The following HDAC1 variants were observed in gnomAD, a reference collection of about 807,000 sequenced individuals.
HDAC1 encodes histone deacetylase 1.
A neutral mutation model predicts 65.5 loss-of-function variants in HDAC1; 18 were observed. The ratio of observed to expected loss-of-function variants is 0.27; its 90% CI spans 0.19 to 0.41. The LOEUF is 0.41. Ranked by LOEUF, HDAC1 falls within the 10% of genes least tolerant of loss-of-function variation. HDAC1 has a pLI of 1.00. For missense variants in HDAC1, 373 were observed against 625.2 expected (o/e 0.60, Z 4.30); for synonymous variants, 211 against 227.9 (o/e 0.93, Z 0.67).
At position 32,326,932 on chromosome 1, in the gene HDAC1, T is replaced by C; in HGVS notation, c.356-7T>C. 2 of 1,613,868 alleles carry C rather than the reference T, an allele frequency of 1.2e-6. No individual in the cohort carries two copies. The highest frequency in any genetic ancestry group is 8.5e-7 in the Non-Finnish European group (1 of 1,179,966). On this transcript the variant is annotated splice_region_variant and splice_polypyrimidine_tract_variant and intron_variant, in intron 4 of 13. Coordinates refer to ENST00000373548, the MANE Select transcript of HDAC1 (RefSeq NM_004964.3). ...AACAGGCTTATGTTCTCTTTTCTCATGCCCAGCAAGTGCTGTGAAACTTAA... is the reference window on the plus strand; with the variant it reads ...AACAGGCTTATGTTCTCTTTTCTCACGCCCAGCAAGTGCTGTGAAACTTAA...
intron 2 of HDAC1, among the ~76,000 whole-genome samples, chr1:32,315,462 C>T (rs542771980): frequency 1.3e-5 from 2 of 151,726 alleles, no homozygotes; most frequent in Admixed American, 1.3e-4. Flanking sequence ...AAGCGATTCT[C>T]CTGTCTCAGC....
At chr1:32,301,058 T>A (rs1264812858) in intron 1 of HDAC1, among the ~76,000 whole-genome samples, 4 of 150,490 alleles carry the variant, frequency 2.7e-5, no homozygotes, top group Non-Finnish European at 4.4e-5. Context: ...AGAGAGAGAG[T>A]GAGTGTGTGT....
At chr1:32,326,319 G>A (rs1035778120) in intron 4 of HDAC1, among the ~76,000 whole-genome samples, 5 of 151,660 alleles carry the variant, frequency 3.3e-5, no homozygotes, top group African/African-American at 7.3e-5. Context: ...ATGTCACCAC[G>A]CCCAGCTAAA....
At chr1:32,302,037 G>T (rs1183561531) in intron 1 of HDAC1, among the ~76,000 whole-genome samples, 2 of 152,228 alleles carry the variant, frequency 1.3e-5, no homozygotes, top group Non-Finnish European at 2.9e-5. Context: ...TCTGGTGACA[G>T]TGTGGCAGGT....
At chr1:32,324,340 C>T (rs764732005) in intron 3 of HDAC1, 139 bp from the exon 4 acceptor site, 2 of 648,436 alleles carry the variant, frequency 3.1e-6, no homozygotes, top group Non-Finnish European at 5.6e-6. Context: ...CAACTTGATG[C>T]AGTCATACAG....
At chr1:32,303,482 A>C (rs563299841) in intron 2 of HDAC1, among the ~76,000 whole-genome samples, 1 of 152,104 alleles carries the variant, frequency 6.6e-6, no homozygotes, top group South Asian at 2.1e-4. Context: ...AAACAAAAAA[A>C]CCAAAAATTT....
chr1:32,297,058 G>C (rs1640776583), intron 1 of HDAC1, among the ~76,000 whole-genome samples: 1 of 152,130 alleles, frequency 6.6e-6, no homozygotes, highest in Non-Finnish European at 1.5e-5. Context: ...AGGGCAGTTG[G>C]TGGAGCAGGA....
At position 32,329,816 on chromosome 1, in the gene HDAC1, T is replaced by G. The variant is rs1355861249; in HGVS notation, c.729+656T>G. On this transcript the variant is annotated intron_variant, in intron 7 of 13. Coordinates refer to ENST00000373548, the MANE Select transcript of HDAC1 (RefSeq NM_004964.3). The surrounding 1 kb of genome is among the most constrained non-coding windows in gnomAD (Gnocchi z 4.1). The stretch of plus-strand genomic sequence containing the variant: ...GATGTTTAAGCTGGACTTTGGAAAA[T>G]GAGGAGGTGCCCATGTGAAGAAGGA... The G allele has an allele frequency of 6.4e-6, 1 of 155,428 alleles. No individual in the cohort carries two copies. The highest frequency in any genetic ancestry group is 1.9e-4 in the East Asian group (1 of 5,266). 9.6% of individuals were successfully genotyped at this position (155,428 alleles called of 1,614,324 possible). A position where few individuals can be genotyped will look rare whatever the true frequency, so the allele number is the denominator to read the frequency against.
At chr1:32,297,031 T>C (rs1640776131) in intron 1 of HDAC1, among the ~76,000 whole-genome samples, 1 of 152,090 alleles carries the variant, frequency 6.6e-6, no homozygotes, top group African/African-American at 2.4e-5. Flanking sequence ...GAATATTCCT[T>C]TTCCTGAGGG....
chr1:32,292,273 T>C, intron 1 of HDAC1, 55 bp downstream of exon 1: 1 of 1,544,556 alleles, frequency 6.5e-7, no homozygotes, highest in Non-Finnish European at 8.7e-7. Context: ...ACCGGGAACC[T>C]GGAGGCTGAG....
Position 32,333,033 on chromosome 1 carries a change from A to G in HDAC1, c.1438A>G (p.Lys480Glu). 2 of 1,613,870 alleles carry G rather than the reference A, an allele frequency of 1.2e-6. No individual in the cohort carries two copies. Among genetic ancestry groups the G allele is most frequent in the Non-Finnish European group, 1.7e-6 (2 of 1,179,874 alleles). Residue 480 changes from lysine to glutamate, a missense_variant, in exon 14 of 14, where the codon AAG (lysine) becomes GAG (glutamate). This residue lies in a region of HDAC1 where 126 missense variants were observed against 126.2 expected (regional missense o/e 1.00). Transcript: ENST00000373548. ...TCTCCACAGGGTCAAGGAGGAGGTCAAGTTGGCCTGAATGGACCTCTCCAG... is the reference window on the plus strand; with the variant it reads ...TCTCCACAGGGTCAAGGAGGAGGTCGAGTTGGCCTGAATGGACCTCTCCAG... ...PEAKGVKEEV[K>E]LA
chr1:32,331,535 T>C lies in HDAC1; in HGVS notation c.1041T>C (p.Pro347=). The part of the protein sequence containing the change: ...FGPDFKLHIS[P]SNMTNQNTNE... ...CAGATTTCAAGCTCCACATCAGTCC[T>C]TCCAATATGACTAACCAGAACACGA... The change falls in exon 10 of 14, where the codon CCT becomes CCC. Residue 347 remains proline, a synonymous_variant. Transcript: ENST00000373548. This position sits in a 1 kb window ranked among gnomAD's most constrained non-coding sequence, Gnocchi z 4.2. 6.2e-7 allele frequency: 1 copy of C among 1,612,654 alleles called. No homozygotes were observed. Among genetic ancestry groups the C allele is most frequent in the Admixed American group, 1.7e-5 (1 of 60,022 alleles).
chr1:32,301,559 T>C (rs1483483518), intron 1 of HDAC1, among the ~76,000 whole-genome samples: 2 of 152,074 alleles, frequency 1.3e-5, no homozygotes, highest in African/African-American at 4.8e-5. Flanking sequence ...CAACTGAGGT[T>C]AGGAGTTTGA....
Position 32,329,310 on chromosome 1 carries a change from CAGTT to C in HDAC1, c.729+153_729+156del, listed in dbSNP as rs1641260686. On this transcript the variant is annotated intron_variant, in intron 7 of 13. Coordinates refer to ENST00000373548, the MANE Select transcript of HDAC1 (RefSeq NM_004964.3). The surrounding 1 kb of genome is among the most constrained non-coding windows in gnomAD (Gnocchi z 4.1). Reference sequence around the variant, plus strand: ...TTTGAACCCTGGATTGCTGTGTGGTCAGTTAGGGGAACAAACACCCATATTTATT... The same window carrying C: ...TTTGAACCCTGGATTGCTGTGTGGTCAGGGGAACAAACACCCATATTTATT... 7 of 657,666 alleles carry C rather than the reference CAGTT, an allele frequency of 1.1e-5. No homozygotes were observed. Among genetic ancestry groups the C allele is most frequent in the South Asian group, 8.2e-5 (5 of 60,768 alleles). 40.7% of individuals were successfully genotyped at this position (657,666 alleles called of 1,614,324 possible).
chr1:32,322,776 T>TAAGACACTGGGCTACGGGAGTC (rs1468687472), intron 3 of HDAC1, among the ~76,000 whole-genome samples: 4 of 152,190 alleles, frequency 2.6e-5, no homozygotes, highest in African/African-American at 7.2e-5. Context: ...AATGTAGCAG[T>TAAGACACTGGGCTACGGGAGTC]AAGACACTGG....
intron 1 of HDAC1, among the ~76,000 whole-genome samples, 172 bp from the exon 2 acceptor site, chr1:32,302,449 C>CTT (rs372936348): frequency 6.1e-5 from 8 of 132,050 alleles, no homozygotes; most frequent in South Asian, 2.4e-4. Flanking sequence ...AGGGTCCCTG[C>CTT]TTTTTTTTTT....
At chr1:32,296,957 G>T (rs1640775303) in intron 1 of HDAC1, among the ~76,000 whole-genome samples, 1 of 152,098 alleles carries the variant, frequency 6.6e-6, no homozygotes, top group Non-Finnish European at 1.5e-5. Flanking sequence ...AAGTTCAAAT[G>T]GAGGTAAGTT....
intron 3 of HDAC1, among the ~76,000 whole-genome samples, chr1:32,320,899 CAAAAA>C (rs1160071616): frequency 4.3e-5 from 1 of 23,372 alleles, no homozygotes; most frequent in Non-Finnish European, 1.2e-4. Context: ...GACTCCATCT[CAAAAA>C]AAAAAAAAAA....
chr1:32,310,210 CT>C (rs1640971960), intron 2 of HDAC1, among the ~76,000 whole-genome samples: 1 of 152,154 alleles, frequency 6.6e-6, no homozygotes, highest in Non-Finnish European at 1.5e-5. Flanking sequence ...TTTAAGCTAG[CT>C]AAACTGACTG....
Sources: gnomAD v4.1 joint callset for allele counts (sites outside exome capture counted in the v4.1 genomes callset) on GRCh38, gnomAD v4.1.1 for gene constraint, gnomAD v4.1.1 regional missense constraint, Gnocchi (gnomAD v3.1) non-coding constraint, MANE v1.5 for transcripts, NCBI Gene and HGNC (gene_info 2026-07-23, HGNC 2026-07-21) for gene names.